The following TDRD1 variants were observed in gnomAD, a reference collection of about 807,000 sequenced individuals.
The protein encoded by TDRD1 is tudor domain containing 1.
TDRD1 carries 37 observed loss-of-function variants against 140.6 expected under a neutral mutation model. That is an observed-to-expected ratio of 0.26 (90% CI 0.20 to 0.35). TDRD1 has a LOEUF of 0.35. TDRD1 is among the 10% of genes least tolerant of loss of function. The probability of loss-of-function intolerance (pLI) is 1.00; values close to 1 mark genes in which losing one functional copy is unlikely to be tolerated. For missense variants in TDRD1, 1,243 were observed against 1,393.0 expected, an observed-to-expected ratio of 0.89 and a Z score of 1.71; for synonymous variants, 506 against 475.7, an observed-to-expected ratio of 1.06 and a Z score of -0.83.
intron 21 of TDRD1, among the ~76,000 whole-genome samples, chr10:114,223,899 TC>T (rs2036290277): frequency 6.6e-6 from 1 of 152,180 alleles, no homozygotes; most frequent in South Asian, 2.1e-4. Context: ...AGGCTGCTTG[TC>T]CCCCAGACCT....
chr10:114,229,839 T>C (rs1324469032), intron 25 of TDRD1, among the ~76,000 whole-genome samples: 1 of 150,898 alleles, frequency 6.6e-6, no homozygotes, highest in African/African-American at 2.4e-5. Context: ...TTTTTTATTT[T>C]TATTTTTTTT....
chr10:114,189,572 CATG>C lies in TDRD1; in HGVS notation c.326-1383_326-1381del, dbSNP rs528484857. 1.6e-4 allele frequency among the ~76,000 whole-genome samples: 25 copies of C among 152,210 alleles called. No homozygotes were observed. The South Asian group carries it at 5.0e-3, about 30-fold the overall frequency. On this transcript the variant is annotated intron_variant, in intron 2 of 25. Transcript: ENST00000251864. ...CAAGACAGACTTTTCTGGTGAGATG[CATG>C]ATGATATTAACACATGAATATTAAT...
At chr10:114,188,234 A>C (rs1340052791) in intron 2 of TDRD1, 78 bp downstream of exon 2, 1 of 1,262,534 alleles carries the variant, frequency 7.9e-7, no homozygotes, top group African/African-American at 1.5e-5. Flanking sequence ...ATAACCACAC[A>C]CCAGTGGGCT....
chr10:114,196,670 C>T (rs1163308584), intron 3 of TDRD1, among the ~76,000 whole-genome samples: 1 of 151,770 alleles, frequency 6.6e-6, no homozygotes, highest in Non-Finnish European at 1.5e-5. Flanking sequence ...ATTTCCCCCC[C>T]CATACAGGTA....
At chr10:114,205,998 AC>A (rs1297521358) in intron 10 of TDRD1, among the ~76,000 whole-genome samples, 1 of 152,186 alleles carries the variant, frequency 6.6e-6, no homozygotes, top group Non-Finnish European at 1.5e-5. Context: ...CTATGTACTC[AC>A]AAAAATTTTA....
At chr10:114,222,600 G>T in exon 21 of TDRD1, 1 of 1,607,572 alleles carries the variant, frequency 6.2e-7, no homozygotes, top group Non-Finnish European at 8.5e-7. Context: ...ATCAGGAAAA[G>T]CTGTGCATGT....
intron 25 of TDRD1, among the ~76,000 whole-genome samples, chr10:114,229,953 C>T (rs2036664442): frequency 6.6e-6 from 1 of 151,962 alleles, no homozygotes; most frequent in Admixed American, 6.6e-5. Context: ...GCCTCAGCTT[C>T]CCAAGTAGCT....
intron 11 of TDRD1, 87 bp from the exon 12 acceptor site, chr10:114,210,494 C>T (rs1490979507): frequency 8.3e-6 from 11 of 1,321,340 alleles, no homozygotes; most frequent in African/African-American, 1.5e-5. Context: ...TAGTCATATT[C>T]GTTTTAAAAT....
chr10:114,226,322 C>T (rs1278599147), intron 22 of TDRD1, 106 bp downstream of exon 22: 1 of 695,056 alleles, frequency 1.4e-6, no homozygotes, highest in Non-Finnish European at 2.4e-6. Context: ...CCAGTAACTG[C>T]CTTAATGTTT....
intron 16 of TDRD1, among the ~76,000 whole-genome samples, chr10:114,214,379 C>T (rs2035675450): frequency 2.6e-5 from 4 of 151,984 alleles, no homozygotes; most frequent in Non-Finnish European, 4.4e-5. Context: ...GAAATTAATT[C>T]GGCCTGGTAT....
chr10:114,175,451 TA>T (rs1807587122), upstream of TDRD1, among the ~76,000 whole-genome samples: 1 of 151,960 alleles, frequency 6.6e-6, no homozygotes, highest in Non-Finnish European at 1.5e-5. Flanking sequence ...AATTTACAAA[TA>T]TCAGAATTAA....
At chr10:114,221,469 G>A in exon 20 of TDRD1, 1 of 1,611,574 alleles carries the variant, frequency 6.2e-7, no homozygotes, top group South Asian at 1.1e-5. Flanking sequence ...TACCAAAAGG[G>A]ATGCCAGGTA....
intron 23 of TDRD1, among the ~76,000 whole-genome samples, chr10:114,227,677 C>G (rs1442597729): frequency 1.3e-5 from 2 of 152,138 alleles, no homozygotes; most frequent in Non-Finnish European, 2.9e-5. Flanking sequence ...CAGACCTGGC[C>G]TCAATCAAAA....
At chr10:114,197,304 A>G (rs550437159) in intron 3 of TDRD1, among the ~76,000 whole-genome samples, 8 of 152,128 alleles carry the variant, frequency 5.3e-5, no homozygotes, top group South Asian at 2.1e-4. Context: ...CTGTGGTTCT[A>G]TCTTCAAGTT....
intron 1 of TDRD1, among the ~76,000 whole-genome samples, chr10:114,184,361 C>T (rs936722575): frequency 6.6e-6 from 1 of 152,170 alleles, no homozygotes; most frequent in East Asian, 1.9e-4. Context: ...GGAGTGATGA[C>T]GCAAAGGAAC....
chr10:114,212,412 G>A (rs1449638784), intron 14 of TDRD1, among the ~76,000 whole-genome samples: 1 of 152,086 alleles, frequency 6.6e-6, no homozygotes, highest in African/African-American at 2.4e-5. Flanking sequence ...GATACATATT[G>A]TACATTTTCT....
chr10:114,221,373 G>A (rs957753410), exon 20 of TDRD1: 5 of 1,613,278 alleles, frequency 3.1e-6, no homozygotes, highest in Non-Finnish European at 1.7e-6. Context: ...CTTCAGCTGA[G>A]CAATGGAAGA....
In TDRD1 at chr10:114,219,674, G is replaced by A. The variant is rs921597262; in HGVS notation, c.2495-894G>A. 2.0e-5 allele frequency among the ~76,000 whole-genome samples: 3 copies of A among 148,302 alleles called. No homozygotes were observed. The East Asian group carries it at 5.9e-4, about 29-fold the overall frequency. ...ACAATCTCGGCTCACTGCAACCTCT[G>A]CCTCCCAGATTCAAGCGATTCTCCT... is the stretch of plus-strand genomic sequence containing the variant. On this transcript the variant is annotated intron_variant, in intron 18 of 25. Transcript: ENST00000251864.
chr10:114,180,393 C>T (rs78449035), intron 1 of TDRD1, among the ~76,000 whole-genome samples: 539 of 152,264 alleles, frequency 3.5e-3, no homozygotes, highest in African/African-American at 0.012. Context: ...ATGAGGAAGA[C>T]GAGACTTACC....
Sources: gnomAD v4.1 joint callset for allele counts (sites outside exome capture counted in the v4.1 genomes callset) on GRCh38, gnomAD v4.1.1 for gene constraint, MANE v1.5 for transcripts, NCBI Gene and HGNC (gene_info 2026-07-23, HGNC 2026-07-21) for gene names.